CDC14A: variants seen among roughly 807,000 people sequenced by gnomAD.
CDC14A encodes cell division cycle 14A, also known as dual specificity protein phosphatase CDC14A.
Under a neutral mutation model 74.4 loss-of-function variants are expected in CDC14A, and 53 were observed. That is an observed-to-expected ratio of 0.71 (90% CI 0.57 to 0.89). The LOEUF (loss-of-function observed/expected upper bound fraction) is 0.89. Among genes scored for constraint, CDC14A ranks in the 40% least tolerant of loss-of-function variants. The pLI is 0.00. For missense variants in CDC14A, 646 were observed against 713.7 expected, an observed-to-expected ratio of 0.91 and a Z score of 1.08; for synonymous variants, 247 against 258.4, an observed-to-expected ratio of 0.96 and a Z score of 0.43.
chr1:100,350,038 G>T (rs1036955644), upstream of CDC14A, among the ~76,000 whole-genome samples: 1 of 150,740 alleles, frequency 6.6e-6, no homozygotes, highest in Non-Finnish European at 1.5e-5. Flanking sequence ...TGCAACCTCC[G>T]CCTCCCAGGT....
chr1:100,465,444 T>C (rs1406107721), intron 9 of CDC14A, among the ~76,000 whole-genome samples: 1 of 152,228 alleles, frequency 6.6e-6, no homozygotes, highest in Non-Finnish European at 1.5e-5. Context: ...TACAGCTGTA[T>C]TGCTTTTCAC....
chr1:100,347,321 C>A (rs965189879), intron 1 of CDC14A, among the ~76,000 whole-genome samples: 1 of 152,126 alleles, frequency 6.6e-6, no homozygotes, highest in Non-Finnish European at 1.5e-5. Flanking sequence ...TGTGTAGAAG[C>A]CTTGAGTGCT....
At chr1:100,413,421 C>A (rs193229478) in intron 4 of CDC14A, among the ~76,000 whole-genome samples, 74 of 152,234 alleles carry the variant, frequency 4.9e-4, no homozygotes, top group Non-Finnish European at 7.1e-4. Flanking sequence ...CTGTAAACTT[C>A]CTGAAATTTG....
At chr1:100,348,278 T>C (rs1210625384), upstream of CDC14A, among the ~76,000 whole-genome samples, 1 of 132,704 alleles carries the variant, frequency 7.5e-6, no homozygotes, top group African/African-American at 3.0e-5. Flanking sequence ...CAAGACTCCA[T>C]TTCAAAAAAA....
intron 4 of CDC14A, among the ~76,000 whole-genome samples, chr1:100,396,626 C>T (rs1314215858): frequency 6.6e-6 from 1 of 152,176 alleles, no homozygotes; most frequent in Non-Finnish European, 1.5e-5. Flanking sequence ...TACAAAATTA[C>T]ATCACTACCT....
At chr1:100,475,979 C>T (rs544685881) in intron 10 of CDC14A, among the ~76,000 whole-genome samples, 2 of 152,282 alleles carry the variant, frequency 1.3e-5, no homozygotes, top group East Asian at 3.9e-4. Flanking sequence ...TATAGCCTGG[C>T]AGCGTGGAAA....
At chr1:100,432,395 T>A (rs150605823) in intron 5 of CDC14A, among the ~76,000 whole-genome samples, 2 of 152,376 alleles carry the variant, frequency 1.3e-5, no homozygotes, top group East Asian at 3.9e-4. Flanking sequence ...GCAGCTGAAC[T>A]GTCCAGTATG....
intron 3 of CDC14A, among the ~76,000 whole-genome samples, chr1:100,389,450 T>TC (rs1407051629): frequency 8.9e-4 from 118 of 133,172 alleles, no homozygotes; most frequent in African/African-American, 3.4e-3. Context: ...AGAATCTGTC[T>TC]CAAAAAAAAA....
At chr1:100,439,195 T>C (rs758978263) in intron 5 of CDC14A, among the ~76,000 whole-genome samples, 13 of 152,244 alleles carry the variant, frequency 8.5e-5, no homozygotes, top group Non-Finnish European at 1.8e-4. Context: ...TACTTCATGG[T>C]GCATTAGAAG....
chr1:100,370,768 G>A (rs1654370613), intron 2 of CDC14A, among the ~76,000 whole-genome samples: 1 of 151,930 alleles, frequency 6.6e-6, no homozygotes, highest in Non-Finnish European at 1.5e-5. Flanking sequence ...TGTTCTTTTT[G>A]CTTATTGCTT....
intron 11 of CDC14A, among the ~76,000 whole-genome samples, chr1:100,488,191 A>G (rs907273958): frequency 1.3e-5 from 2 of 152,226 alleles, no homozygotes; most frequent in Admixed American, 6.5e-5. Context: ...AAGTGCAAAT[A>G]TTAAATCAGG....
intron 10 of CDC14A, among the ~76,000 whole-genome samples, chr1:100,469,851 T>G (rs1489730998): frequency 6.6e-6 from 1 of 152,132 alleles, no homozygotes; most frequent in East Asian, 1.9e-4. Context: ...TATTATACTC[T>G]TTCTCTCTGC....
At chr1:100,394,011 A>G (rs971089685) in intron 4 of CDC14A, 2 of 263,426 alleles carry the variant, frequency 7.6e-6, no homozygotes, top group African/African-American at 2.3e-5. Flanking sequence ...CCAGCCACCA[A>G]ACCTGTGCCT....
intron 4 of CDC14A, among the ~76,000 whole-genome samples, chr1:100,395,162 C>A (rs563809465): frequency 6.6e-6 from 1 of 152,136 alleles, no homozygotes; most frequent in South Asian, 2.1e-4. Context: ...TAAGACAAAC[C>A]TTTTTCTCAA....
intron 4 of CDC14A, among the ~76,000 whole-genome samples, chr1:100,416,133 G>GT (rs1014666513): frequency 1.3e-5 from 2 of 152,120 alleles, no homozygotes; most frequent in Non-Finnish European, 2.9e-5. Context: ...TTTTTGCAGA[G>GT]TTTTTTGCCT....
chr1:100,358,895 T>C (rs1051020412), intron 2 of CDC14A, among the ~76,000 whole-genome samples: 8 of 152,162 alleles, frequency 5.3e-5, no homozygotes, highest in African/African-American at 1.4e-4. Flanking sequence ...AGGTTAGAGG[T>C]AGGTCAGGAG....
chr1:100,400,925 T>C (rs952879087), intron 4 of CDC14A, among the ~76,000 whole-genome samples: 3 of 152,170 alleles, frequency 2.0e-5, no homozygotes, highest in Admixed American at 6.5e-5. Flanking sequence ...GTGTTGTAAA[T>C]AAGCTCTCAA....
intron 11 of CDC14A, among the ~76,000 whole-genome samples, chr1:100,490,987 T>A (rs1571327753): frequency 6.6e-6 from 1 of 152,194 alleles, no homozygotes. Flanking sequence ...ATGTGGAAGA[T>A]GACTTTAAAA....
intron 13 of CDC14A, among the ~76,000 whole-genome samples, chr1:100,496,716 C>G (rs1036304170): frequency 6.6e-6 from 1 of 152,160 alleles, no homozygotes; most frequent in Non-Finnish European, 1.5e-5. Context: ...TCTGGAGAAG[C>G]TTGAATTGCT....
Sources: allele counts gnomAD v4.1 joint callset (sites outside exome capture counted in the v4.1 genomes callset), GRCh38; gene constraint gnomAD v4.1.1; transcripts MANE v1.5; gene names NCBI Gene and HGNC (gene_info 2026-07-23, HGNC 2026-07-21).